The following CDH18 variants were observed in gnomAD, a reference collection of about 807,000 sequenced individuals.
CDH18 encodes cadherin-18.
Under a neutral mutation model 67.9 loss-of-function variants are expected in CDH18, and 31 were observed. The ratio of observed to expected loss-of-function variants is 0.46; its 90% confidence interval spans 0.34 to 0.62. The LOEUF (loss-of-function observed/expected upper bound fraction) is 0.62, where lower values mean the gene tolerates loss of function less well. Ranked by LOEUF, CDH18 falls within the 20% of genes least tolerant of loss-of-function variation. The probability of loss-of-function intolerance (pLI) is 0.01; values close to 1 mark genes in which losing one functional copy is unlikely to be tolerated. For missense variants in CDH18, 890 were observed against 975.5 expected (o/e 0.91, Z 1.17); for synonymous variants, 362 against 347.2 (o/e 1.04, Z -0.48).
At chr5:20,248,083 A>G (rs1387914489) in intron 2 of CDH18, among the ~76,000 whole-genome samples, 2 of 152,194 alleles carry the variant, frequency 1.3e-5, no homozygotes, top group Non-Finnish European at 2.9e-5. Flanking sequence ...CCATTAATTT[A>G]TATTAAATGT....
intron 1 of CDH18, among the ~76,000 whole-genome samples, chr5:20,435,297 C>G (rs1343857372): frequency 6.6e-6 from 1 of 152,010 alleles, no homozygotes; most frequent in Non-Finnish European, 1.5e-5. Flanking sequence ...TCTTGTCCTC[C>G]TTTGTATCTT....
chr5:19,856,565 A>G (rs1414729728), intron 2 of CDH18, among the ~76,000 whole-genome samples: 1 of 152,134 alleles, frequency 6.6e-6, no homozygotes, highest in Non-Finnish European at 1.5e-5. Flanking sequence ...AATCTCCAGT[A>G]CCTCCGAATG....
chr5:19,719,929 GAAA>G (rs1222332858), intron 5 of CDH18, among the ~76,000 whole-genome samples: 22 of 150,588 alleles, frequency 1.5e-4, no homozygotes, highest in African/African-American at 5.4e-4. Context: ...AAGAAAGAAA[GAAA>G]GAAAGAAAGA....
chr5:19,918,762 A>G (rs528918168), intron 2 of CDH18, among the ~76,000 whole-genome samples: 29 of 152,298 alleles, frequency 1.9e-4, no homozygotes, highest in Non-Finnish European at 3.8e-4. Context: ...ATAAATACAT[A>G]TTTAGTCATC....
At chr5:20,530,529 C>T (rs545141556) in intron 1 of CDH18, among the ~76,000 whole-genome samples, 1 of 152,074 alleles carries the variant, frequency 6.6e-6, no homozygotes, top group Non-Finnish European at 1.5e-5. Flanking sequence ...GGTACTGGTA[C>T]AAAAACAGGC....
chr5:20,047,593 A>C (rs996184448), intron 2 of CDH18, among the ~76,000 whole-genome samples: 1 of 151,828 alleles, frequency 6.6e-6, no homozygotes, highest in Non-Finnish European at 1.5e-5. Flanking sequence ...TCAAATGAGC[A>C]AACGTTTGCT....
intron 4 of CDH18, among the ~76,000 whole-genome samples, chr5:19,737,038 C>T (rs1256319213): frequency 6.6e-6 from 1 of 152,202 alleles, no homozygotes; most frequent in Admixed American, 6.5e-5. Flanking sequence ...CCAGTGAGAA[C>T]ACAGAAGTCT....
chr5:19,842,725 C>T lies in CDH18; in HGVS notation c.-256-3483G>A, dbSNP rs548952156. On this transcript the variant is annotated intron_variant, in intron 2 of 12. Transcript: ENST00000382275. ...AGAAGTAGGAACAGTTTGGAGGGCT[C>T]AGAAGAAAATAGGAAGATGTGGGAA... 2.0e-5 allele frequency among the ~76,000 whole-genome samples: 3 copies of T among 152,142 alleles called. No individual in the cohort carries two copies. The South Asian group carries it at 6.2e-4, about 32-fold the overall frequency.
chr5:19,839,820 A>G (rs1782072863), intron 2 of CDH18, among the ~76,000 whole-genome samples: 1 of 152,172 alleles, frequency 6.6e-6, no homozygotes, highest in South Asian at 2.1e-4. Context: ...ACACACAGAC[A>G]AGGCAGATTT....
chr5:19,602,108 G>A (rs1747236177), intron 6 of CDH18, among the ~76,000 whole-genome samples: 1 of 151,902 alleles, frequency 6.6e-6, no homozygotes, highest in Non-Finnish European at 1.5e-5. Context: ...GAGTAATAAG[G>A]CAAGAAAAAG....
intron 1 of CDH18, among the ~76,000 whole-genome samples, chr5:20,265,511 G>A (rs1744965104): frequency 1.3e-5 from 2 of 151,778 alleles, no homozygotes; most frequent in African/African-American, 4.8e-5. Context: ...GGAATATAAG[G>A]CTCAGGGGCA....
At chr5:20,162,094 T>C (rs1045347585) in intron 2 of CDH18, among the ~76,000 whole-genome samples, 1 of 152,086 alleles carries the variant, frequency 6.6e-6, no homozygotes, top group African/African-American at 2.4e-5. Context: ...AGTTCCACTA[T>C]AAGATTTCAC....
At chr5:19,883,377 T>C (rs1787869206) in intron 2 of CDH18, among the ~76,000 whole-genome samples, 2 of 152,072 alleles carry the variant, frequency 1.3e-5, no homozygotes, top group African/African-American at 4.8e-5. Context: ...GTTTATACAC[T>C]GAAACCTACT....
chr5:19,783,330 G>A (rs1775345321), intron 3 of CDH18, among the ~76,000 whole-genome samples: 1 of 152,146 alleles, frequency 6.6e-6, no homozygotes, highest in Non-Finnish European at 1.5e-5. Context: ...AATGGGTTCT[G>A]CAGAGAGCTG....
intron 1 of CDH18, among the ~76,000 whole-genome samples, chr5:20,492,126 T>C (rs1232124805): frequency 1.3e-5 from 2 of 152,122 alleles, no homozygotes; most frequent in African/African-American, 4.8e-5. Context: ...AGGGCCATAC[T>C]GTACCTCCCT....
intron 2 of CDH18, among the ~76,000 whole-genome samples, chr5:19,934,138 A>G (rs1793996604): frequency 6.6e-6 from 1 of 151,458 alleles, no homozygotes; most frequent in Non-Finnish European, 1.5e-5. Context: ...ATCAAAGAAT[A>G]CAATAAATAA....
chr5:20,162,589 T>C (rs913377234), intron 2 of CDH18, among the ~76,000 whole-genome samples: 1 of 150,434 alleles, frequency 6.6e-6, no homozygotes, highest in Non-Finnish European at 1.5e-5. Context: ...TTAAGGCCTT[T>C]GGTACCATGG....
chr5:19,856,761 T>C, intron 2 of CDH18, among the ~76,000 whole-genome samples: 1 of 152,050 alleles, frequency 6.6e-6, no homozygotes, highest in East Asian at 1.9e-4. Context: ...GAAAACTTCT[T>C]CGGGACCTTG....
chr5:19,639,104 G>C (rs1349043357), intron 5 of CDH18, among the ~76,000 whole-genome samples: 2 of 148,856 alleles, frequency 1.3e-5, no homozygotes, highest in Non-Finnish European at 3.0e-5. Flanking sequence ...CTGGGCTCAC[G>C]CCATTCTCCT....
Sources: gnomAD v4.1 joint callset for allele counts (sites outside exome capture counted in the v4.1 genomes callset) on GRCh38, gnomAD v4.1.1 for gene constraint, MANE v1.5 for transcripts, NCBI Gene and HGNC (gene_info 2026-07-23, HGNC 2026-07-21) for gene names.